KLHDC8A: variants seen among roughly 807,000 people sequenced by gnomAD.
KLHDC8A encodes kelch domain containing 8A, also known as kelch domain-containing protein 8A.
Under a neutral mutation model 33.1 loss-of-function variants are expected in KLHDC8A, and 21 were observed. The observed-to-expected ratio is 0.64, with a 90% confidence interval of 0.45 to 0.91. The LOEUF is 0.91. Among genes scored for constraint, KLHDC8A ranks in the 40% least tolerant of loss-of-function variants. The pLI, the probability that KLHDC8A is intolerant of heterozygous loss-of-function variation, is 0.00. For missense variants in KLHDC8A, 435 were observed against 483.3 expected (o/e 0.90, Z 0.94); for synonymous variants, 173 against 193.5 (o/e 0.89, Z 0.88).
At chr1:205,345,328 A>G (rs1488631850) in intron 1 of KLHDC8A, among the ~76,000 whole-genome samples, 1 of 152,202 alleles carries the variant, frequency 6.6e-6, no homozygotes. Context: ...TTTTAGATTC[A>G]CATGCAGCTG....
chr1:205,345,111 T>A (rs1167164687), intron 1 of KLHDC8A, among the ~76,000 whole-genome samples: 3 of 152,214 alleles, frequency 2.0e-5, no homozygotes, highest in Non-Finnish European at 2.9e-5. Flanking sequence ...CCTGGTCTGG[T>A]GGACTGCAAG....
At chr1:205,337,671 C>T in intron 5 of KLHDC8A, 79 bp from the exon 6 acceptor site, 1 of 989,608 alleles carries the variant, frequency 1.0e-6, no homozygotes, top group South Asian at 1.5e-5. Flanking sequence ...CACCTCCCTC[C>T]CTTCGGCACC....
At chr1:205,341,983 G>T (rs1004217480) in intron 2 of KLHDC8A, among the ~76,000 whole-genome samples, 1 of 152,224 alleles carries the variant, frequency 6.6e-6, no homozygotes, top group Non-Finnish European at 1.5e-5. Context: ...GTAGGCCGTT[G>T]AGAATTTGTT....
At chr1:205,355,547 A>C (rs1166122703) in intron 1 of KLHDC8A, among the ~76,000 whole-genome samples, 1 of 152,238 alleles carries the variant, frequency 6.6e-6, no homozygotes, top group Non-Finnish European at 1.5e-5. Flanking sequence ...ATAAAAAGTC[A>C]ATAATAACAA....
intron 1 of KLHDC8A, chr1:205,351,588 A>C: frequency 6.8e-6 from 3 of 444,074 alleles, no homozygotes; most frequent in Admixed American, 4.3e-5. Flanking sequence ...TGTTAAATAA[A>C]CTTCTGTAAT....
At chr1:205,353,998 C>A (rs1663194348) in intron 1 of KLHDC8A, among the ~76,000 whole-genome samples, 2 of 152,224 alleles carry the variant, frequency 1.3e-5, no homozygotes, top group Non-Finnish European at 2.9e-5. Flanking sequence ...CCTCTTCAGG[C>A]CACCATGATT....
At chr1:205,353,554 G>A (rs1281784647) in intron 1 of KLHDC8A, among the ~76,000 whole-genome samples, 3 of 152,162 alleles carry the variant, frequency 2.0e-5, no homozygotes, top group Non-Finnish European at 2.9e-5. Context: ...TTGTTTGTGT[G>A]ATACAAGGTC....
At chr1:205,346,529 G>A (rs1307624327) in intron 1 of KLHDC8A, among the ~76,000 whole-genome samples, 1 of 152,148 alleles carries the variant, frequency 6.6e-6, no homozygotes, top group Non-Finnish European at 1.5e-5. Flanking sequence ...TTTTATTTGT[G>A]TCACTTGTTG....
At chr1:205,341,072 G>A (rs1345334944) in intron 2 of KLHDC8A, among the ~76,000 whole-genome samples, 1 of 152,210 alleles carries the variant, frequency 6.6e-6, no homozygotes, top group Non-Finnish European at 1.5e-5. Context: ...TGCCCAGGAA[G>A]TGAGCTGGGA....
intron 1 of KLHDC8A, among the ~76,000 whole-genome samples, chr1:205,351,778 G>A (rs1165230045): frequency 1.1e-4 from 16 of 152,014 alleles, no homozygotes; most frequent in Non-Finnish European, 1.6e-4. Flanking sequence ...AATTAGCCAG[G>A]GATGGTGGCG....
chr1:205,339,237 C>T lies in KLHDC8A; in HGVS notation c.714G>A (p.Gln238=), dbSNP rs1662720158. The change falls in exon 4 of 6, where the codon CAG becomes CAA. Residue 238 remains glutamine (Q), a synonymous_variant. Coordinates refer to ENST00000367155, the MANE Select transcript of KLHDC8A (RefSeq NM_018203.3). This position sits in a 1 kb window ranked among gnomAD's most constrained non-coding sequence, Gnocchi z 5.1. The part of the protein sequence containing the change: ...GGLRQGRLYR[Q]PKFLRTMDVF... ...CGTCCATCGTCCGCAGGAACTTGGG[C>T]TGCCGGTAGAGGCGACCTTGCCGCA... 2 of 1,614,074 alleles carry T rather than the reference C, an allele frequency of 1.2e-6. No homozygotes were observed. The highest frequency in any genetic ancestry group is 1.3e-5 in the African/African-American group (1 of 74,940).
intron 1 of KLHDC8A, among the ~76,000 whole-genome samples, chr1:205,353,622 C>T (rs952710639): frequency 3.3e-5 from 5 of 152,098 alleles, no homozygotes; most frequent in Non-Finnish European, 5.9e-5. Context: ...TGCAGCCTCC[C>T]GGGCCCAATC....
chr1:205,355,131 C>T (rs1663231393), intron 1 of KLHDC8A, among the ~76,000 whole-genome samples: 1 of 152,216 alleles, frequency 6.6e-6, no homozygotes, highest in Non-Finnish European at 1.5e-5. Flanking sequence ...TGGTGCTAGG[C>T]TGGTTATTCC....
At chr1:205,352,130 C>T (rs543278753) in intron 1 of KLHDC8A, among the ~76,000 whole-genome samples, 35 of 152,256 alleles carry the variant, frequency 2.3e-4, no homozygotes, top group African/African-American at 8.2e-4. Flanking sequence ...GAAGTGACAG[C>T]AGTCACCCTG....
chr1:205,343,793 C>T lies in KLHDC8A; in HGVS notation c.-189G>A. 4.8e-6 allele frequency: 3 copies of T among 631,126 alleles called. No homozygotes were observed. Among genetic ancestry groups the T allele is most frequent in the African/African-American group, 2.0e-5 (1 of 51,270 alleles). 39.1% of individuals were successfully genotyped at this position (631,126 alleles called of 1,614,324 possible). A position where few individuals can be genotyped will look rare whatever the true frequency, so the allele number is the denominator to read the frequency against. ...CGGTCCGGCGGCGTCCACGCCTGGCCCTGCGGGGGGAACGCGGTGAATCAA... is the reference window on the plus strand; with the variant it reads ...CGGTCCGGCGGCGTCCACGCCTGGCTCTGCGGGGGGAACGCGGTGAATCAA... On this transcript the variant is annotated splice_region_variant and 5_prime_UTR_variant, in exon 2 of 6. Coordinates refer to ENST00000367155, the MANE Select transcript of KLHDC8A (RefSeq NM_018203.3).
Position 205,339,746 on chromosome 1 carries a change from G to T in KLHDC8A, c.439C>A (p.His147Asn). 1 of 1,614,170 alleles carries T rather than the reference G, an allele frequency of 6.2e-7. No individual in the cohort carries two copies. The highest frequency in any genetic ancestry group is 8.5e-7 in the Non-Finnish European group (1 of 1,180,010). ...LDLRPHNHLQ[H>N]YDMLKDMWVS... ...CACATGTCCTTCAGCATGTCATAGT[G>T]TTGGAGGTGGTTGTGTGGACGTAGG... The change falls in exon 3 of 6, where the codon CAC becomes AAC. Residue 147 changes from histidine to asparagine, a missense_variant. By Grantham distance (68) the His-to-Asn change is moderately conservative. Coordinates refer to ENST00000367155, the MANE Select transcript of KLHDC8A (RefSeq NM_018203.3). The surrounding 1 kb of genome is among the most constrained non-coding windows in gnomAD (Gnocchi z 5.1).
intron 4 of KLHDC8A, among the ~76,000 whole-genome samples, 194 bp from the exon 5 acceptor site, chr1:205,338,790 T>A (rs2102278371): frequency 6.6e-6 from 1 of 152,280 alleles, no homozygotes; most frequent in Admixed American, 6.5e-5. Context: ...CCATGCTTGC[T>A]GCTCTGTAAG....
chr1:205,346,729 T>C (rs772656531), intron 1 of KLHDC8A, among the ~76,000 whole-genome samples: 1 of 152,198 alleles, frequency 6.6e-6, no homozygotes, highest in Non-Finnish European at 1.5e-5. Flanking sequence ...AATCCAGTGC[T>C]CCTTTACTTT....
At position 205,339,345 on chromosome 1, in the gene KLHDC8A, C is replaced by T; in HGVS notation, c.606G>A (p.Trp202Ter). 1 of 1,614,214 alleles carries T rather than the reference C, an allele frequency of 6.2e-7. No individual in the cohort carries two copies. Among genetic ancestry groups the T allele is most frequent in the Non-Finnish European group, 8.5e-7 (1 of 1,180,046 alleles). ...FEVFDIETRS[W>*]TKFPNIPYKR... Reference sequence around the variant, plus strand: ...TATAGGGAATGTTGGGAAACTTGGTCCAGGAGCGAGTCTCGATGTCAAAGA... The same window carrying T: ...TATAGGGAATGTTGGGAAACTTGGTTCAGGAGCGAGTCTCGATGTCAAAGA... The change falls in exon 4 of 6, where the codon TGG becomes TGA. Residue 202 changes from tryptophan (W) to a stop codon, truncating the protein, a stop_gained. Coordinates refer to ENST00000367155, the MANE Select transcript of KLHDC8A (RefSeq NM_018203.3). LOFTEE classifies it high-confidence loss of function. The surrounding 1 kb of genome is among the most constrained non-coding windows in gnomAD (Gnocchi z 5.1).
Sources: gnomAD v4.1 joint callset for allele counts (sites outside exome capture counted in the v4.1 genomes callset) on GRCh38, gnomAD v4.1.1 for gene constraint, Gnocchi (gnomAD v3.1) non-coding constraint, MANE v1.5 for transcripts, NCBI Gene and HGNC (gene_info 2026-07-23, HGNC 2026-07-21) for gene names.